The following TRDN variants were observed in gnomAD, a reference collection of about 807,000 sequenced individuals.
The protein encoded by TRDN is triadin in skeletal muscle.
TRDN carries 161 observed loss-of-function variants against 149.7 expected under a neutral mutation model. The observed-to-expected ratio is 1.08, with a 90% CI of 0.95 to 1.23. TRDN has a LOEUF of 1.23. Among genes scored for constraint, TRDN ranks in the 50% most tolerant of loss-of-function variants. The probability of loss-of-function intolerance (pLI) is 0.00; values close to 1 mark genes in which losing one functional copy is unlikely to be tolerated. For synonymous variants in TRDN, 294 were observed against 250.5 expected, an observed-to-expected ratio of 1.17 and a Z score of -1.64; for missense variants, 896 against 823.5, an observed-to-expected ratio of 1.09 and a Z score of -1.08.
intron 7 of TRDN, chr6:123,510,242 T>C (rs1010447922): frequency 1.3e-5 from 2 of 152,126 alleles, no homozygotes; most frequent in African/African-American, 4.8e-5. Flanking sequence ...TGATATTTGG[T>C]TATCTAACGG....
At chr6:123,242,154 T>C (rs542844313) in intron 38 of TRDN, among the ~76,000 whole-genome samples, 63 of 152,306 alleles carry the variant, frequency 4.1e-4, no homozygotes, top group African/African-American at 1.5e-3. Flanking sequence ...CGCAGCATTG[T>C]TTGCCTTTTA....
At chr6:123,290,854 T>C (rs1014923546) in intron 24 of TRDN, among the ~76,000 whole-genome samples, 2 of 152,172 alleles carry the variant, frequency 1.3e-5, no homozygotes, top group Non-Finnish European at 2.9e-5. Flanking sequence ...AAGAATGTTA[T>C]GGAAAGAAAA....
At chr6:123,384,968 C>T (rs1781852832) in intron 14 of TRDN, among the ~76,000 whole-genome samples, 1 of 152,262 alleles carries the variant, frequency 6.6e-6, no homozygotes, top group Non-Finnish European at 1.5e-5. Context: ...GGTCAATATA[C>T]TTCCCTGCCC....
At chr6:123,609,297 AGG>A (rs915961940) in intron 1 of TRDN, among the ~76,000 whole-genome samples, 5 of 152,206 alleles carry the variant, frequency 3.3e-5, no homozygotes, top group Non-Finnish European at 7.3e-5. Flanking sequence ...ATTTACTGAT[AGG>A]AAAAAATTCA....
At position 123,240,216 on chromosome 6, in the gene TRDN, G is replaced by C. The variant is rs115184908; in HGVS notation, c.1975+12196C>G. On this transcript the variant is annotated intron_variant, in intron 38 of 40. Transcript: ENST00000334268. The stretch of plus-strand genomic sequence containing the variant: ...CCAGTTTTCAAATATATGTTACTTT[G>C]TATGTATCAGAAACTACATAATAAA... Among the ~76,000 whole-genome samples the C allele has an allele frequency of 2.1e-3, 317 of 151,832 alleles. 2 individuals carry two copies. Among genetic ancestry groups the C allele is most frequent in the African/African-American group, 7.6e-3 (314 of 41,516 alleles).
intron 16 of TRDN, among the ~76,000 whole-genome samples, chr6:123,380,748 A>G (rs574683048): frequency 7.4e-6 from 1 of 135,004 alleles, no homozygotes; most frequent in South Asian, 2.3e-4. Context: ...TGTTAAATAT[A>G]TCTTATTTTC....
chr6:123,516,292 T>A, intron 5 of TRDN, 86 bp from the exon 6 acceptor site: 1 of 1,298,364 alleles, frequency 7.7e-7, no homozygotes, highest in Non-Finnish European at 9.9e-7. Flanking sequence ...ATGTCAAAAT[T>A]TATCTTCTGT....
chr6:123,571,643 AAAAT>A (rs1278146978), intron 1 of TRDN, among the ~76,000 whole-genome samples: 4 of 152,166 alleles, frequency 2.6e-5, no homozygotes, highest in African/African-American at 4.8e-5. Context: ...ATATAAAAAT[AAAAT>A]AAATAGATAA....
chr6:123,578,101 T>A (rs912926585), intron 1 of TRDN, among the ~76,000 whole-genome samples: 1 of 152,234 alleles, frequency 6.6e-6, no homozygotes, highest in African/African-American at 2.4e-5. Context: ...ATTCTGGTGA[T>A]AGTTTCCTTT....
At chr6:123,570,785 A>G in intron 2 of TRDN, 138 bp downstream of exon 2, 2 of 692,574 alleles carry the variant, frequency 2.9e-6, no homozygotes, top group Non-Finnish European at 4.7e-6. Context: ...AACAGATTTC[A>G]GTGATCCTCA....
intron 8 of TRDN, among the ~76,000 whole-genome samples, chr6:123,499,719 A>AAAAAAAAAAAATATATATATAT: frequency 6.3e-5 from 3 of 47,676 alleles, no homozygotes; most frequent in African/African-American, 1.4e-4. Context: ...AAAAAAAAAA[A>AAAAAAAAAAAATATATATATAT]ATATATATAT....
At chr6:123,343,335 A>G (rs1053377523) in intron 21 of TRDN, among the ~76,000 whole-genome samples, 11 of 151,960 alleles carry the variant, frequency 7.2e-5, no homozygotes, top group Non-Finnish European at 1.6e-4. Context: ...GTTATTCATT[A>G]TATTCTATAT....
intron 12 of TRDN, among the ~76,000 whole-genome samples, chr6:123,410,648 T>A (rs1318283260): frequency 1.3e-5 from 2 of 152,118 alleles, no homozygotes; most frequent in Non-Finnish European, 2.9e-5. Flanking sequence ...AAATGTACAG[T>A]GATTTATACA....
At chr6:123,619,516 T>C (rs1583333347) in intron 1 of TRDN, among the ~76,000 whole-genome samples, 1 of 152,210 alleles carries the variant, frequency 6.6e-6, no homozygotes, top group South Asian at 2.1e-4. Context: ...ATATGTCTGG[T>C]ATTTTTATGA....
intron 39 of TRDN, among the ~76,000 whole-genome samples, chr6:123,223,081 A>T (rs1370506129): frequency 1.3e-5 from 2 of 151,880 alleles, no homozygotes; most frequent in Non-Finnish European, 2.9e-5. Flanking sequence ...TGTGGAAAGC[A>T]GTGTGATGAT....
chr6:123,552,361 CA>C (rs1781443099), intron 2 of TRDN, among the ~76,000 whole-genome samples: 1 of 152,228 alleles, frequency 6.6e-6, no homozygotes, highest in African/African-American at 2.4e-5. Context: ...TGGGACTATA[CA>C]AGAAAAATAA....
chr6:123,317,034 A>C (rs1473531056), intron 23 of TRDN, among the ~76,000 whole-genome samples: 2 of 151,936 alleles, frequency 1.3e-5, no homozygotes, highest in East Asian at 3.9e-4. Flanking sequence ...CAATTGTGAC[A>C]TAAAGTATCT....
chr6:123,534,186 AC>A (rs1780404756), intron 4 of TRDN, among the ~76,000 whole-genome samples: 1 of 152,146 alleles, frequency 6.6e-6, no homozygotes, highest in South Asian at 2.1e-4. Flanking sequence ...TTTTTGTTTT[AC>A]AGGTACATTA....
intron 38 of TRDN, among the ~76,000 whole-genome samples, chr6:123,231,415 A>G (rs1294656615): frequency 6.6e-6 from 1 of 152,010 alleles, no homozygotes; most frequent in Non-Finnish European, 1.5e-5. Flanking sequence ...AATGAATTGC[A>G]TTGTTAGAGG....
Sources: allele counts gnomAD v4.1 joint callset (sites outside exome capture counted in the v4.1 genomes callset), GRCh38; gene constraint gnomAD v4.1.1; transcripts MANE v1.5; gene names NCBI Gene and HGNC (gene_info 2026-07-23, HGNC 2026-07-21).